Variants in INTU observed in about 807,000 individuals in gnomAD.
INTU encodes the protein protein inturned.
Under a neutral mutation model 100.5 loss-of-function variants are expected in INTU, and 68 were observed. That is an observed-to-expected ratio of 0.68 (90% CI 0.56 to 0.83). The LOEUF (loss-of-function observed/expected upper bound fraction) is 0.83, where lower values mean the gene tolerates loss of function less well. Among genes scored for constraint, INTU ranks in the 40% least tolerant of loss-of-function variants. INTU has a pLI of 0.00. For missense variants in INTU, 1,071 were observed against 1,114.7 expected (o/e 0.96, Z 0.56); for synonymous variants, 357 against 395.7 (o/e 0.90, Z 1.16).
At chr4:127,650,879 C>G (rs151110641) in intron 2 of INTU, among the ~76,000 whole-genome samples, 1 of 152,158 alleles carries the variant, frequency 6.6e-6, no homozygotes, top group African/African-American at 2.4e-5. Context: ...CTGTCCAGCA[C>G]CTGTTGTTTC....
At chr4:127,693,703 G>C (rs10857125) in intron 8 of INTU, among the ~76,000 whole-genome samples, 92,274 of 151,898 alleles carry the variant, frequency 0.61, 28,916 homozygotes, top group African/African-American at 0.75. Flanking sequence ...AATATTGGCT[G>C]TAGGTTTGTC....
chr4:127,676,795 G>C (rs1729216618), intron 6 of INTU, among the ~76,000 whole-genome samples: 1 of 152,166 alleles, frequency 6.6e-6, no homozygotes, highest in African/African-American at 2.4e-5. Flanking sequence ...GCAGGGAGAG[G>C]CATTGCCTCA....
chr4:127,654,557 C>A (rs543143093), intron 2 of INTU, among the ~76,000 whole-genome samples: 1 of 152,196 alleles, frequency 6.6e-6, no homozygotes, highest in Admixed American at 6.5e-5. Context: ...GGCCCCCACT[C>A]TCTTCTGGCT....
chr4:127,676,680 C>T (rs527904595), intron 6 of INTU, among the ~76,000 whole-genome samples: 16 of 151,878 alleles, frequency 1.1e-4, no homozygotes, highest in South Asian at 2.1e-4. Flanking sequence ...ATGCAGAAGA[C>T]GGGTGATTTC....
intron 5 of INTU, among the ~76,000 whole-genome samples, chr4:127,673,338 C>T (rs1189132704): frequency 1.3e-5 from 2 of 150,908 alleles, no homozygotes; most frequent in South Asian, 2.1e-4. Flanking sequence ...CACTCCACTA[C>T]ACCCAGCTAA....
intron 11 of INTU, 88 bp from the exon 12 acceptor site, chr4:127,706,399 C>T (rs1426858018): frequency 8.8e-7 from 1 of 1,139,902 alleles, no homozygotes; most frequent in East Asian, 2.4e-5. Flanking sequence ...GCCTCTATGT[C>T]TTCGATATTT....
Position 127,724,304 on chromosome 4 carries a change from T to G in INTU, c.*7868T>G, listed in dbSNP as rs966422293. On this transcript the variant is annotated 3_prime_UTR_variant, in exon 16 of 16. Transcript: ENST00000335251. ...GCGTGGTGGTGTGCACCTGTAATCC[T>G]AGCTACCTAGGAGGCTGAGGCAGGA... is the stretch of plus-strand genomic sequence containing the variant. The G allele has an allele frequency of 6.6e-6, 1 of 151,248 alleles. No homozygotes were observed. Among genetic ancestry groups the G allele is most frequent in the African/African-American group, 2.4e-5 (1 of 41,068 alleles). 9.4% of individuals were successfully genotyped at this position (151,248 alleles called of 1,614,324 possible). A position where few individuals can be genotyped will look rare whatever the true frequency, so the allele number is the denominator to read the frequency against.
intron 8 of INTU, among the ~76,000 whole-genome samples, chr4:127,689,867 G>T (rs1730033024): frequency 6.6e-6 from 1 of 152,168 alleles, no homozygotes; most frequent in African/African-American, 2.4e-5. Context: ...TCCAAAGACT[G>T]TCTCATGCCC....
At chr4:127,674,757 A>G (rs1729096863) in intron 6 of INTU, among the ~76,000 whole-genome samples, 2 of 152,234 alleles carry the variant, frequency 1.3e-5, no homozygotes, top group Non-Finnish European at 1.5e-5. Flanking sequence ...GATTGACATT[A>G]TAATAAACTG....
intron 7 of INTU, 38 bp downstream of exon 7, chr4:127,684,524 A>G (rs1249861934): frequency 1.3e-5 from 15 of 1,178,400 alleles, no homozygotes; most frequent in Non-Finnish European, 1.8e-5. Flanking sequence ...AGTTTTAATT[A>G]TGTGATTCTA....
Position 127,706,731 on chromosome 4 carries a change from G to T in INTU, c.2033G>T (p.Ser678Ile). ...TDSLTTSPIL[S>I]RLQGTSKVAT... ...AGCTTGACCACTTCGCCTATTCTCAGTAGGCTACAAGGTACTTCCAAAGTA... is the reference window on the plus strand; with the variant it reads ...AGCTTGACCACTTCGCCTATTCTCATTAGGCTACAAGGTACTTCCAAAGTA... The change falls in exon 12 of 16, where the codon AGT becomes ATT. Residue 678 changes from serine (S) to isoleucine (I), a missense_variant. Physicochemically the swap from Ser to Ile is moderately radical, Grantham distance 142. Transcript: ENST00000335251. The T allele has an allele frequency of 6.2e-7, 1 of 1,614,070 alleles. No homozygotes were observed. The highest frequency in any genetic ancestry group is 1.3e-5 in the African/African-American group (1 of 75,044).
intron 9 of INTU, among the ~76,000 whole-genome samples, chr4:127,700,473 G>A (rs944167185): frequency 2.6e-5 from 4 of 152,148 alleles, no homozygotes; most frequent in East Asian, 1.9e-4. Context: ...TCGCAGTAGC[G>A]ATAAGTACCA....
chr4:127,639,437 G>C (rs1202458490), intron 1 of INTU, among the ~76,000 whole-genome samples: 1 of 152,110 alleles, frequency 6.6e-6, no homozygotes, highest in Admixed American at 6.6e-5. Context: ...TCCTGGAGTG[G>C]GGATTATCTA....
rs1731347557 is a variant in INTU, at chr4:127,721,665, C to A, written c.*5229C>A. 6.6e-6 allele frequency: 1 copy of A among 152,180 alleles called. No individual in the cohort carries two copies. Among genetic ancestry groups the A allele is most frequent in the African/African-American group, 2.4e-5 (1 of 41,432 alleles). 9.4% of individuals were successfully genotyped at this position (152,180 alleles called of 1,614,324 possible). ...ATAGTTCTCAGAGGTTTCATTCATTCCTTTTCATTCTTTTTTCTCTAATCT... is the reference window on the plus strand; with the variant it reads ...ATAGTTCTCAGAGGTTTCATTCATTACTTTTCATTCTTTTTTCTCTAATCT... On this transcript the variant is annotated 3_prime_UTR_variant, in exon 16 of 16. Coordinates refer to ENST00000335251, the MANE Select transcript of INTU (RefSeq NM_015693.4).
intron 2 of INTU, among the ~76,000 whole-genome samples, chr4:127,646,973 T>C (rs1282544419): frequency 6.6e-6 from 1 of 152,232 alleles, no homozygotes. Flanking sequence ...AAAGGATCAA[T>C]TTCAATTCAC....
intron 3 of INTU, among the ~76,000 whole-genome samples, chr4:127,661,692 T>TC (rs1484814530): frequency 1.3e-5 from 2 of 152,148 alleles, no homozygotes; most frequent in Admixed American, 1.3e-4. Flanking sequence ...ACTCAGGAAT[T>TC]CCCCAAAGAG....
chr4:127,670,869 AC>A (rs1728895274), intron 5 of INTU, among the ~76,000 whole-genome samples: 2 of 152,012 alleles, frequency 1.3e-5, no homozygotes, highest in Admixed American at 1.3e-4. Context: ...GGGAAAGCAC[AC>A]CCTATTCAAT....
chr4:127,692,960 A>G (rs1730217935), intron 8 of INTU, among the ~76,000 whole-genome samples: 1 of 152,044 alleles, frequency 6.6e-6, no homozygotes, highest in Admixed American at 6.6e-5. Flanking sequence ...TAATTTTTAT[A>G]CCATGCCATT....
intron 5 of INTU, among the ~76,000 whole-genome samples, 176 bp downstream of exon 5, chr4:127,669,330 T>C (rs1395515592): frequency 1.3e-5 from 2 of 151,794 alleles, no homozygotes; most frequent in Non-Finnish European, 3.0e-5. Flanking sequence ...ACATTATAGA[T>C]AACGAGCTCT....
Sources: allele counts gnomAD v4.1 joint callset (sites outside exome capture counted in the v4.1 genomes callset), GRCh38; gene constraint gnomAD v4.1.1; transcripts MANE v1.5; gene names NCBI Gene and HGNC (gene_info 2026-07-23, HGNC 2026-07-21).